LSAMP: variants seen among roughly 807,000 people sequenced by gnomAD.
LSAMP encodes the protein limbic system associated membrane protein, also known as limbic system-associated membrane protein.
In LSAMP, 7 loss-of-function variants were observed where a neutral mutation model predicts 38.6. The observed-to-expected ratio is 0.18, with a 90% confidence interval of 0.10 to 0.34. The LOEUF is 0.34. LSAMP is among the 10% of genes least tolerant of loss of function. The pLI is 1.00. For missense variants in LSAMP, 313 were observed against 420.0 expected, an observed-to-expected ratio of 0.75 and a Z score of 2.23; for synonymous variants, 154 against 166.8, an observed-to-expected ratio of 0.92 and a Z score of 0.59.
At chr3:116,122,490 C>A (rs1252283986) in intron 1 of LSAMP, among the ~76,000 whole-genome samples, 1 of 152,142 alleles carries the variant, frequency 6.6e-6, no homozygotes, top group Non-Finnish European at 1.5e-5. Flanking sequence ...ACTCTATCTT[C>A]CTGTAAAGTA....
At chr3:116,089,185 T>C (rs897887745) in intron 1 of LSAMP, among the ~76,000 whole-genome samples, 1 of 152,196 alleles carries the variant, frequency 6.6e-6, no homozygotes, top group Admixed American at 6.5e-5. Flanking sequence ...TCAGCAAAAT[T>C]GCCAGATGCA....
At chr3:116,110,907 G>A (rs1238738748) in intron 1 of LSAMP, among the ~76,000 whole-genome samples, 4 of 152,122 alleles carry the variant, frequency 2.6e-5, no homozygotes, top group Admixed American at 1.3e-4. Flanking sequence ...AGTCAGCGAA[G>A]GGAGGTAGGG....
intron 3 of LSAMP, among the ~76,000 whole-genome samples, chr3:115,907,582 T>C (rs1347739301): frequency 6.6e-6 from 1 of 152,116 alleles, no homozygotes; most frequent in Non-Finnish European, 1.5e-5. Context: ...ACTAAGATAT[T>C]CATCTCCTGA....
chr3:115,895,049 C>CA (rs1367749084), intron 3 of LSAMP, among the ~76,000 whole-genome samples: 2 of 151,586 alleles, frequency 1.3e-5, no homozygotes, highest in East Asian at 1.9e-4. Context: ...GACAAACAAA[C>CA]AAAAAAAAGA....
At chr3:116,085,211 A>C (rs1239831528) in intron 2 of LSAMP, among the ~76,000 whole-genome samples, 3 of 152,192 alleles carry the variant, frequency 2.0e-5, no homozygotes, top group Admixed American at 6.5e-5. Context: ...ACAAGCAATA[A>C]AATGAAGCTG....
intron 3 of LSAMP, among the ~76,000 whole-genome samples, chr3:115,982,708 G>T (rs990694355): frequency 6.6e-6 from 1 of 151,900 alleles, no homozygotes; most frequent in Non-Finnish European, 1.5e-5. Flanking sequence ...AGCCTCTCCA[G>T]TTACCAGTAG....
intron 1 of LSAMP, among the ~76,000 whole-genome samples, chr3:116,392,304 C>T (rs12488406): frequency 0.5 from 76,587 of 152,060 alleles, 22,839 homozygotes; most frequent in East Asian, 0.81. Flanking sequence ...CTGGGAAGGT[C>T]CTCCTACCTC....
intron 1 of LSAMP, among the ~76,000 whole-genome samples, chr3:116,313,708 C>A (rs1345847429): frequency 6.6e-6 from 1 of 152,234 alleles, no homozygotes; most frequent in African/African-American, 2.4e-5. Flanking sequence ...CATCCCAGTA[C>A]TTTGGGAGGC....
chr3:115,861,076 TCTTTCCTC>T, intron 3 of LSAMP, among the ~76,000 whole-genome samples: 1 of 39,490 alleles, frequency 2.5e-5, no homozygotes, highest in Admixed American at 4.4e-4. Context: ...CCTCTCTCCC[TCTTTCCTC>T]CCCTCCCTCT....
At chr3:116,125,403 A>AGTGTGT (rs1251854054) in intron 1 of LSAMP, among the ~76,000 whole-genome samples, 1 of 90,574 alleles carries the variant, frequency 1.1e-5, no homozygotes, top group Non-Finnish European at 2.1e-5. Flanking sequence ...TTTTTTTTTC[A>AGTGTGT]GTGTGTTTCT....
intron 2 of LSAMP, among the ~76,000 whole-genome samples, chr3:116,046,529 C>T (rs376557716): frequency 1.3e-5 from 2 of 152,298 alleles, no homozygotes; most frequent in East Asian, 1.9e-4. Context: ...TAGTGGATGT[C>T]GTTAGGTAGG....
chr3:116,173,335 T>C (rs1261270156), intron 1 of LSAMP, among the ~76,000 whole-genome samples: 1 of 152,036 alleles, frequency 6.6e-6, no homozygotes, highest in Non-Finnish European at 1.5e-5. Context: ...TAAATGTTGG[T>C]GCAACAGAAT....
intron 1 of LSAMP, among the ~76,000 whole-genome samples, chr3:116,291,125 C>T (rs1172878962): frequency 1.3e-5 from 2 of 152,150 alleles, no homozygotes; most frequent in African/African-American, 4.8e-5. Context: ...CTCTTTGTCT[C>T]CTTACCCCAA....
In LSAMP at chr3:115,945,881, G is replaced by A. The variant is rs544738600; in HGVS notation, c.514+73634C>T. Among the ~76,000 whole-genome samples, 21 of 152,182 alleles carry A rather than the reference G, an allele frequency of 1.4e-4. No individual in the cohort carries two copies. In the South Asian group the frequency reaches 3.7e-3, roughly 27 times the overall value. On this transcript the variant is annotated intron_variant, in intron 3 of 6. Transcript: ENST00000490035. ...TCTTATTGACATTATTACCTACTTA[G>A]TTCAGTTAAATCCTTTGTTAAGGCA...
intron 1 of LSAMP, among the ~76,000 whole-genome samples, chr3:116,105,796 G>A (rs979746310): frequency 1.2e-4 from 19 of 152,226 alleles, no homozygotes; most frequent in African/African-American, 3.9e-4. Context: ...TGACATTCCT[G>A]CCTTCTTATA....
chr3:116,276,074 A>G (rs1255679158), intron 1 of LSAMP, among the ~76,000 whole-genome samples: 2 of 152,322 alleles, frequency 1.3e-5, no homozygotes, highest in East Asian at 1.9e-4. Context: ...ATTAGCACTA[A>G]TTGATTTGAT....
At chr3:115,994,860 T>G (rs1939771433) in intron 3 of LSAMP, among the ~76,000 whole-genome samples, 1 of 152,058 alleles carries the variant, frequency 6.6e-6, no homozygotes, top group Non-Finnish European at 1.5e-5. Context: ...ATAACAGGCA[T>G]TTGCATGTGG....
At chr3:116,319,442 T>C (rs967536005) in intron 1 of LSAMP, among the ~76,000 whole-genome samples, 1 of 152,188 alleles carries the variant, frequency 6.6e-6, no homozygotes, top group Admixed American at 6.5e-5. Context: ...TCAGCATTCA[T>C]ATTATATACG....
chr3:115,906,387 C>T (rs1440513693), intron 3 of LSAMP, among the ~76,000 whole-genome samples: 1 of 152,100 alleles, frequency 6.6e-6, no homozygotes, highest in East Asian at 1.9e-4. Flanking sequence ...CTGCTTTGGA[C>T]AGCAAATGAC....
Sources: allele counts gnomAD v4.1 joint callset (sites outside exome capture counted in the v4.1 genomes callset), GRCh38; gene constraint gnomAD v4.1.1; transcripts MANE v1.5; gene names NCBI Gene and HGNC (gene_info 2026-07-23, HGNC 2026-07-21).